CACNA1A: variants seen among roughly 807,000 people sequenced by gnomAD.
CACNA1A encodes voltage-dependent P/Q-type calcium channel subunit alpha-1A.
CACNA1A carries 57 observed loss-of-function variants against 262.4 expected under a neutral mutation model. The ratio of observed to expected loss-of-function variants is 0.22; its 90% CI spans 0.18 to 0.27. The LOEUF (loss-of-function observed/expected upper bound fraction) is 0.27, where lower values mean the gene tolerates loss of function less well. Among genes scored for constraint, CACNA1A ranks in the 10% least tolerant of loss-of-function variants. The pLI is 1.00. For missense variants in CACNA1A, 2,526 were observed against 3,562.8 expected (o/e 0.71, Z 7.41); for synonymous variants, 1,431 against 1,419.3 (o/e 1.01, Z -0.18).
chr19:13,209,445 C>A lies in CACNA1A; in HGVS notation c.6393G>T (p.Lys2131Asn). Residue 2131 changes from lysine (K) to asparagine (N), a missense_variant, in exon 45 of 47, where the codon AAG (lysine) becomes AAT (asparagine). Physicochemically the swap from Lys to Asn is moderately conservative, Grantham distance 94 (BLOSUM62 0). Transcript: ENST00000360228. ...MKRSASVLGP[K>N]ARRLDDYSLE... Reference sequence around the variant, plus strand: ...GCGAGTAATCGTCCAGGCGTCGGGCCTTGGGGCCCAGCACGGAGGCTGAAC... The same window carrying A: ...GCGAGTAATCGTCCAGGCGTCGGGCATTGGGGCCCAGCACGGAGGCTGAAC... The A allele has an allele frequency of 7.3e-7, 1 of 1,378,236 alleles. No individual in the cohort carries two copies. Among genetic ancestry groups the A allele is most frequent in the African/African-American group, 1.5e-5 (1 of 67,268 alleles). The allele number at this position is 1,378,236 out of a possible 1,614,324, so 85.4% of individuals were successfully genotyped here.
At chr19:13,342,050 C>G (rs761042892) in intron 6 of CACNA1A, among the ~76,000 whole-genome samples, 1 of 152,180 alleles carries the variant, frequency 6.6e-6, no homozygotes, top group Admixed American at 6.5e-5. Flanking sequence ...GCACCATCCT[C>G]TCTGGGGAGT....
chr19:13,342,110 C>T (rs2058685568), intron 6 of CACNA1A, among the ~76,000 whole-genome samples: 1 of 152,018 alleles, frequency 6.6e-6, no homozygotes. Flanking sequence ...CCAAACTCAT[C>T]CAATTATTCA....
chr19:13,441,346 TA>T (rs36026519), intron 3 of CACNA1A, among the ~76,000 whole-genome samples: 11,668 of 152,042 alleles, frequency 0.077, 735 homozygotes, highest in East Asian at 0.25. Flanking sequence ...AAGCAATGTT[TA>T]AAAAAAATTA....
At chr19:13,387,682 G>A (rs980380511) in intron 3 of CACNA1A, among the ~76,000 whole-genome samples, 2 of 152,160 alleles carry the variant, frequency 1.3e-5, no homozygotes, top group Non-Finnish European at 2.9e-5. Context: ...CCACTCAGAA[G>A]AGAGGGGAAC....
chr19:13,379,721 C>T (rs1354354687), intron 3 of CACNA1A, among the ~76,000 whole-genome samples: 2 of 150,908 alleles, frequency 1.3e-5, no homozygotes, highest in Middle Eastern at 3.4e-3. Flanking sequence ...GTCAGGAGTT[C>T]GAGACCAGCC....
At position 13,431,836 on chromosome 19, in the gene CACNA1A, G is replaced by T. The variant is rs190680370; in HGVS notation, c.539+21040C>A. On this transcript the variant is annotated intron_variant, in intron 3 of 46. Coordinates refer to ENST00000360228, the MANE Select transcript of CACNA1A (RefSeq NM_001127222.2). The stretch of plus-strand genomic sequence containing the variant: ...GTGAGCTCTAAAAAATTTGAGGCCG[G>T]GCGTGGTGGCCCATAATCCCATCAC... Among the ~76,000 whole-genome samples the T allele has an allele frequency of 1.3e-3, 191 of 152,186 alleles. 3 individuals carry two copies. In the South Asian group the frequency reaches 0.023, roughly 18 times the overall value.
Position 13,286,939 on chromosome 19 carries a change from C to A in CACNA1A, c.3117G>T (p.Val1039=), listed in dbSNP as rs745981005. 1.1e-4 allele frequency: 182 copies of A among 1,606,928 alleles called. No individual in the cohort carries two copies. Among genetic ancestry groups the A allele is most frequent in the African/African-American group, 7.7e-4 (58 of 74,850 alleles). The change falls in exon 20 of 47, where the codon GTG becomes GTT. Residue 1039 remains valine (V), a synonymous_variant. Transcript: ENST00000360228. ...RKENQGSGVP[V]SGPNLSTTRP... Reference sequence around the variant, plus strand: ...GGGTGGTTGACAGGTTGGGGCCCGACACAGGGACCCCGGAGCCCTGGTTCT... The same window carrying A: ...GGGTGGTTGACAGGTTGGGGCCCGAAACAGGGACCCCGGAGCCCTGGTTCT...
At chr19:13,364,060 T>A (rs1343590457) in intron 5 of CACNA1A, 1 of 151,672 alleles carries the variant, frequency 6.6e-6, no homozygotes, top group African/African-American at 2.4e-5. Context: ...CCTGGGAGAG[T>A]GTCTCTGCGC....
At chr19:13,301,445 A>G (rs985008830) in intron 17 of CACNA1A, among the ~76,000 whole-genome samples, 4 of 152,170 alleles carry the variant, frequency 2.6e-5, no homozygotes, top group African/African-American at 9.6e-5. Context: ...GAGGAGAGGA[A>G]TTTATATTCC....
At position 13,432,087 on chromosome 19, in the gene CACNA1A, G is replaced by C. The variant is rs1343768824; in HGVS notation, c.539+20789C>G. ...GCCACTGCACTCCAGCCTAGCAAGA[G>C]AGTGAGACTCCGTCTCAAAAAAAAA... On this transcript the variant is annotated intron_variant, in intron 3 of 46. Coordinates refer to ENST00000360228, the MANE Select transcript of CACNA1A (RefSeq NM_001127222.2). 8.3e-5 allele frequency among the ~76,000 whole-genome samples: 11 copies of C among 131,960 alleles called. No homozygotes were observed. The East Asian group carries it at 2.5e-3, about 29-fold the overall frequency. 86.6% of individuals were successfully genotyped at this position (131,960 alleles called of 152,430 possible). A position where few individuals can be genotyped will look rare whatever the true frequency, so the allele number is the denominator to read the frequency against.
intron 3 of CACNA1A, among the ~76,000 whole-genome samples, chr19:13,423,314 G>T (rs915268568): frequency 6.6e-6 from 1 of 152,138 alleles, no homozygotes; most frequent in Non-Finnish European, 1.5e-5. Flanking sequence ...GGCAGAGTGC[G>T]TGATGGAGGG....
At chr19:13,232,438 A>C (rs1237320431) in intron 34 of CACNA1A, among the ~76,000 whole-genome samples, 1 of 151,714 alleles carries the variant, frequency 6.6e-6, no homozygotes, top group African/African-American at 2.4e-5. Flanking sequence ...ATGCTTTAAA[A>C]GCTCCCCTCT....
intron 17 of CACNA1A, among the ~76,000 whole-genome samples, chr19:13,302,375 C>T (rs1295855169): frequency 3.3e-5 from 5 of 152,184 alleles, no homozygotes; most frequent in African/African-American, 9.7e-5. Context: ...TGCTTAATCC[C>T]TAAGTCCTAG....
chr19:13,228,847 C>A lies in CACNA1A; in HGVS notation c.5528+1235G>T. The A allele has an allele frequency of 3.9e-6, 4 of 1,037,490 alleles. No individual in the cohort carries two copies. In the Admixed American group the frequency reaches 6.0e-5, roughly 16 times the overall value. 64.3% of individuals were successfully genotyped at this position (1,037,490 alleles called of 1,614,324 possible). A position where few individuals can be genotyped will look rare whatever the true frequency, so the allele number is the denominator to read the frequency against. ...GCAGGCAATGGGTTCACACGGGCTC[C>A]CTGGGCACACAGCGAGGTCATGATG... On this transcript the variant is annotated intron_variant, in intron 36 of 46. Transcript: ENST00000360228.
chr19:13,311,129 G>C (rs1230925504), intron 12 of CACNA1A, among the ~76,000 whole-genome samples: 3 of 152,022 alleles, frequency 2.0e-5, no homozygotes, highest in African/African-American at 7.2e-5. Context: ...TCACTCTCTT[G>C]TCCAGGCTGG....
At chr19:13,259,461 C>T (rs2056670312) in intron 27 of CACNA1A, 103 bp downstream of exon 27, 1 of 1,151,946 alleles carries the variant, frequency 8.7e-7, no homozygotes, top group African/African-American at 1.6e-5. Context: ...CGTGAGCCAC[C>T]ATGCCCGGCC....
At chr19:13,369,938 C>T (rs1209131748) in intron 4 of CACNA1A, among the ~76,000 whole-genome samples, 1 of 152,152 alleles carries the variant, frequency 6.6e-6, no homozygotes, top group Non-Finnish European at 1.5e-5. Context: ...GGAAATCTTA[C>T]TCTTTAAACC....
intron 10 of CACNA1A, among the ~76,000 whole-genome samples, chr19:13,328,560 T>C (rs2058408377): frequency 6.6e-6 from 1 of 152,186 alleles, no homozygotes; most frequent in Admixed American, 6.5e-5. Flanking sequence ...GAATGGCTCT[T>C]TGAATAATGA....
intron 3 of CACNA1A, among the ~76,000 whole-genome samples, chr19:13,448,378 T>C (rs2060855556): frequency 1.3e-5 from 2 of 151,900 alleles, no homozygotes; most frequent in African/African-American, 4.8e-5. Flanking sequence ...AGGAAGATGA[T>C]CAAGAAAAAT....
Sources: allele counts gnomAD v4.1 joint callset (sites outside exome capture counted in the v4.1 genomes callset), GRCh38; gene constraint gnomAD v4.1.1; transcripts MANE v1.5; gene names NCBI Gene and HGNC (gene_info 2026-07-23, HGNC 2026-07-21).